The following GAS6 variants were observed in gnomAD, a reference collection of about 807,000 sequenced individuals.
GAS6 encodes growth arrest specific 6.
A neutral mutation model predicts 75.8 loss-of-function variants in GAS6; 41 were observed. That is an observed-to-expected ratio of 0.54 (90% CI 0.42 to 0.70). GAS6 has a LOEUF of 0.70. Among genes scored for constraint, GAS6 ranks in the 30% least tolerant of loss-of-function variants. GAS6 has a pLI of 0.00. For missense variants in GAS6, 854 were observed against 940.2 expected, an observed-to-expected ratio of 0.91 and a Z score of 1.20; for synonymous variants, 432 against 412.6, an observed-to-expected ratio of 1.05 and a Z score of -0.57.
At chr13:113,825,176 T>G (rs7399581) in intron 12 of GAS6, among the ~76,000 whole-genome samples, 19,348 of 132,212 alleles carry the variant, frequency 0.15, 1,441 homozygotes, top group South Asian at 0.35. Flanking sequence ...ACCTGGGAGG[T>G]GGAGCCAAGA....
Position 113,832,426 on chromosome 13 carries a change from C to T in GAS6, c.1016G>A (p.Gly339Asp), listed in dbSNP as rs757783247. 1 of 1,609,930 alleles carries T rather than the reference C, an allele frequency of 6.2e-7. No individual in the cohort carries two copies. The highest frequency in any genetic ancestry group is 8.5e-7 in the Non-Finnish European group (1 of 1,177,856). ...DPEGILLFAG[G>D]HQDSTWIVLA... Reference sequence around the variant, plus strand: ...CACGATCCAGGTGCTGTCCTGGTGGCCTCCGGCAAAGAGGAGGATGCCCTC... The same window carrying T: ...CACGATCCAGGTGCTGTCCTGGTGGTCTCCGGCAAAGAGGAGGATGCCCTC... Residue 339 changes from glycine to aspartate, a missense_variant, in exon 10 of 15, where the codon GGC (glycine) becomes GAC (aspartate). By Grantham distance (94) the Gly-to-Asp change is moderately conservative. Coordinates refer to ENST00000327773, the MANE Select transcript of GAS6 (RefSeq NM_000820.4).
Position 113,826,997 on chromosome 13 carries a change from G to A in GAS6, c.1476C>T (p.Tyr492=). ...GSGFAFYSLD[Y]MRTPLDVGTE... ...CCAACGGTAAGAGCCAAGACTTACTGTAGTCCAGGCTGTAGAAGGCGAAGC... is the reference window on the plus strand; with the variant it reads ...CCAACGGTAAGAGCCAAGACTTACTATAGTCCAGGCTGTAGAAGGCGAAGC... The change falls in exon 12 of 15, where the codon TAC becomes TAT. Residue 492 remains tyrosine, a splice_region_variant and synonymous_variant. Coordinates refer to ENST00000327773, the MANE Select transcript of GAS6 (RefSeq NM_000820.4). 1.2e-6 allele frequency: 2 copies of A among 1,612,578 alleles called. No homozygotes were observed. Among genetic ancestry groups the A allele is most frequent in the Non-Finnish European group, 1.7e-6 (2 of 1,179,704 alleles).
intron 11 of GAS6, 91 bp from the exon 12 acceptor site, chr13:113,827,255 G>T: frequency 1.5e-6 from 2 of 1,303,726 alleles, no homozygotes; most frequent in East Asian, 2.3e-5. Flanking sequence ...TCGCGGCCCT[G>T]GTATGTGCAG....
At chr13:113,850,993 G>A (rs976677661) in intron 2 of GAS6, among the ~76,000 whole-genome samples, 8 of 152,238 alleles carry the variant, frequency 5.3e-5, no homozygotes, top group African/African-American at 1.9e-4. Context: ...CCAGATGAAT[G>A]AATGAATGAA....
chr13:113,842,352 C>T (rs1395094865), intron 4 of GAS6: 4 of 382,302 alleles, frequency 1.0e-5, no homozygotes, highest in South Asian at 1.4e-4. Context: ...TCACTATAAA[C>T]GCTTTCTACT....
In GAS6 at chr13:113,834,591, C is replaced by T. The variant is rs148333937; in HGVS notation, c.794G>A (p.Arg265His). The T allele has an allele frequency of 4.9e-5, 78 of 1,607,436 alleles. No homozygotes were observed. Among genetic ancestry groups the T allele is most frequent in the African/African-American group, 4.0e-4 (30 of 74,890 alleles). The change falls in exon 8 of 15, where the codon CGT becomes CAT. Residue 265 changes from arginine to histidine, a missense_variant. Transcript: ENST00000327773. ...PGSYTCHCDG[R>H]GGLKLSQDMD... Reference sequence around the variant, plus strand: ...GTCCTGGGACAGCTTGAGGCCCCCACGCCCGTCACAGTGGCAGGTGTAGCT... The same window carrying T: ...GTCCTGGGACAGCTTGAGGCCCCCATGCCCGTCACAGTGGCAGGTGTAGCT...
Position 113,846,488 on chromosome 13 carries a change from C to T in GAS6, c.343+39G>A, listed in dbSNP as rs1177714700. On this transcript the variant is annotated intron_variant, in intron 4 of 14. Coordinates refer to ENST00000327773, the MANE Select transcript of GAS6 (RefSeq NM_000820.4). ...AGCCAAGCCTAAAGCCGCCCAAACC[C>T]ACAGTGCTCCCAGGAAGGCGCAAAG... 19 of 1,597,052 alleles carry T rather than the reference C, an allele frequency of 1.2e-5. No homozygotes were observed. The Admixed American group carries it at 3.2e-4, about 27-fold the overall frequency.
chr13:113,860,174 T>C (rs2051959167), intron 2 of GAS6, among the ~76,000 whole-genome samples: 1 of 151,774 alleles, frequency 6.6e-6, no homozygotes, highest in South Asian at 2.1e-4. Flanking sequence ...AAGAAAGAGA[T>C]GGGGGAAGGG....
chr13:113,832,229 C>G (rs1017330392), intron 10 of GAS6, 70 bp downstream of exon 10: 2 of 1,507,750 alleles, frequency 1.3e-6, no homozygotes, highest in Non-Finnish European at 1.8e-6. Context: ...GTTGCATAAG[C>G]GAGTGACAGC....
chr13:113,828,258 C>T (rs112548821), intron 11 of GAS6, among the ~76,000 whole-genome samples: 3,535 of 149,166 alleles, frequency 0.024, 124 homozygotes, highest in African/African-American at 0.085. Context: ...AGCAAGACTC[C>T]GTCTCAAAAA....
Position 113,838,124 on chromosome 13 carries a change from G to A in GAS6, c.534C>T (p.Phe178=), listed in dbSNP as rs776379476. 1.2e-6 allele frequency: 2 copies of A among 1,612,770 alleles called. No individual in the cohort carries two copies. The highest frequency in any genetic ancestry group is 1.7e-6 in the Non-Finnish European group (2 of 1,179,922). The change falls in exon 6 of 15, where the codon TTC becomes TTT. Residue 178 remains phenylalanine (F), a synonymous_variant. Transcript: ENST00000327773. ...CGAAGCCGCTGTGGCAGGAACAGTG[G>A]AAGCTACCCGGCTTGTTGTGGCAGA... ...LQICHNKPGS[F]HCSCHSGFEL...
chr13:113,858,844 AGTATGT>A (rs1171507462), intron 2 of GAS6, among the ~76,000 whole-genome samples: 2 of 135,648 alleles, frequency 1.5e-5, no homozygotes, highest in Admixed American at 7.4e-5. Context: ...CATGTCTGTT[AGTATGT>A]GTGTCATTAT....
In GAS6 at chr13:113,848,062, G is replaced by T; in HGVS notation, c.256-12C>A. The T allele has an allele frequency of 6.2e-7, 1 of 1,612,394 alleles. No individual in the cohort carries two copies. The highest frequency in any genetic ancestry group is 8.5e-7 in the Non-Finnish European group (1 of 1,179,450). On this transcript the variant is annotated splice_polypyrimidine_tract_variant and intron_variant, in intron 2 of 14. Coordinates refer to ENST00000327773, the MANE Select transcript of GAS6 (RefSeq NM_000820.4). This position sits in a 1 kb window ranked among gnomAD's most constrained non-coding sequence, Gnocchi z 4.8. ...GGGTAAAAATAATCCTGTGGAAAAA[G>T]AAAAAGAAAAGGCAAGCATTGACCG... is the stretch of plus-strand genomic sequence containing the variant.
In GAS6 at chr13:113,821,012, G is replaced by C. The variant is rs147032954; in HGVS notation, c.1889C>G (p.Pro630Arg). ...LTFAGGLPDV[P>R]VTSAPVTAFY... The stretch of plus-strand genomic sequence containing the variant: ...CGCGGTGACTGGCGCTGAAGTCACC[G>C]GCACATCTGGGCCGCAGGGAGAGAA... The change falls in exon 15 of 15, where the codon CCG becomes CGG. Residue 630 changes from proline to arginine, a missense_variant. Coordinates refer to ENST00000327773, the MANE Select transcript of GAS6 (RefSeq NM_000820.4). The C allele has an allele frequency of 6.2e-6, 10 of 1,612,244 alleles. No homozygotes were observed. In the Admixed American group the frequency reaches 1.5e-4, roughly 24 times the overall value.
intron 4 of GAS6, chr13:113,842,939 C>T: frequency 2.5e-6 from 1 of 396,684 alleles, no homozygotes; most frequent in South Asian, 1.3e-4. Context: ...TAAGCGGTCC[C>T]CAGACTCATG....
At chr13:113,832,206 T>C in intron 10 of GAS6, 93 bp downstream of exon 10, 1 of 1,366,142 alleles carries the variant, frequency 7.3e-7, no homozygotes, top group Non-Finnish European at 1.0e-6. Context: ...GCCCCAGAGC[T>C]CATCTCCTAA....
chr13:113,825,562 C>T (rs565534487), intron 12 of GAS6, among the ~76,000 whole-genome samples: 34 of 152,318 alleles, frequency 2.2e-4, no homozygotes, highest in African/African-American at 5.3e-4. Context: ...GGCCGGCAGA[C>T]GCGGCCGGCA....
At chr13:113,859,623 C>T (rs914309410) in intron 2 of GAS6, among the ~76,000 whole-genome samples, 4 of 151,418 alleles carry the variant, frequency 2.6e-5, no homozygotes, top group Non-Finnish European at 4.4e-5. Flanking sequence ...TGTGTGTGTG[C>T]ATGTATATCT....
rs570496053 is a variant in GAS6, at chr13:113,837,884, G to C, written c.589+185C>G. Among the ~76,000 whole-genome samples the C allele has an allele frequency of 2.6e-5, 4 of 152,154 alleles. No individual in the cohort carries two copies. The highest frequency in any genetic ancestry group is 9.7e-5 in the African/African-American group (4 of 41,432). On this transcript the variant is annotated intron_variant, in intron 6 of 14. Coordinates refer to ENST00000327773, the MANE Select transcript of GAS6 (RefSeq NM_000820.4). The surrounding 1 kb of genome is among the most constrained non-coding windows in gnomAD (Gnocchi z 5.1). ...CTCAGATGCCGGGTGAGTCATCCTG[G>C]TGTGGTGCCGAGCAGCTCCCTGTGC... is the stretch of plus-strand genomic sequence containing the variant.
Sources: allele counts gnomAD v4.1 joint callset (sites outside exome capture counted in the v4.1 genomes callset), GRCh38; gene constraint gnomAD v4.1.1; non-coding constraint Gnocchi (gnomAD v3.1); transcripts MANE v1.5; gene names NCBI Gene and HGNC (gene_info 2026-07-23, HGNC 2026-07-21).